AFF2: variants seen among roughly 807,000 people sequenced by gnomAD.
AFF2 encodes the protein ALF transcription elongation factor 2.
AFF2 carries 14 observed loss-of-function variants against 76.9 expected under a neutral mutation model. The ratio of observed to expected loss-of-function variants is 0.18; its 90% CI spans 0.12 to 0.28. The LOEUF is 0.28. AFF2 is among the 10% of genes least tolerant of loss of function. The pLI is 1.00. For missense variants in AFF2, 868 were observed against 1,001.1 expected (o/e 0.87, Z 1.79); for synonymous variants, 398 against 366.7 (o/e 1.09, Z -0.98).
chrX:148,761,993 A>T (rs1180375695), intron 3 of AFF2, among the ~76,000 whole-genome samples: 1 of 108,480 alleles, frequency 9.2e-6, no homozygotes, highest in Non-Finnish European at 1.9e-5. Flanking sequence ...ATAGATATAG[A>T]TATAGATATA....
At chrX:148,515,404 GCCAT>G (rs1557233684) in intron 1 of AFF2, among the ~76,000 whole-genome samples, 2 of 112,141 alleles carry the variant, frequency 1.8e-5, no homozygotes, top group African/African-American at 6.5e-5. Flanking sequence ...AGCTAATAAA[GCCAT>G]ACTTGTTTCT....
At chrX:148,637,107 T>G (rs1464231806) in intron 1 of AFF2, among the ~76,000 whole-genome samples, 1 of 112,023 alleles carries the variant, frequency 8.9e-6, no homozygotes, top group Non-Finnish European at 1.9e-5. Context: ...TTGTACTAGT[T>G]AACTATGCAC....
chrX:148,657,027 G>A (rs1405626164), intron 2 of AFF2, among the ~76,000 whole-genome samples: 1 of 111,502 alleles, frequency 9.0e-6, no homozygotes, highest in African/African-American at 3.3e-5. Context: ...TTTCTGGATT[G>A]AATCATAGTA....
intron 3 of AFF2, among the ~76,000 whole-genome samples, chrX:148,771,101 C>T (rs1488512920): frequency 1.8e-5 from 2 of 112,044 alleles, no homozygotes; most frequent in Admixed American, 9.5e-5. Flanking sequence ...TTCTATAATG[C>T]GCTTCCATGA....
At chrX:148,712,641 A>G (rs1253077042) in intron 3 of AFF2, among the ~76,000 whole-genome samples, 1 of 112,245 alleles carries the variant, frequency 8.9e-6, no homozygotes, top group Non-Finnish European at 1.9e-5. Flanking sequence ...TATGCAATGA[A>G]TTCAATATAC....
Position 148,992,796 on chromosome X carries a change from T to G in AFF2, c.*1464T>G, listed in dbSNP as rs2072547950. 2 of 112,415 alleles carry G rather than the reference T, an allele frequency of 1.8e-5. No homozygotes were observed. The highest frequency in any genetic ancestry group is 3.8e-4 in the South Asian group (1 of 2,660). The allele number at this position is 112,415 out of a possible 1,213,427, so 9.3% of individuals were successfully genotyped here. ...ACAATGTAAATATCATTTTTGATGTTCCAGCTCACCAGAAGATTCTTACAC... is the reference window on the plus strand; with the variant it reads ...ACAATGTAAATATCATTTTTGATGTGCCAGCTCACCAGAAGATTCTTACAC... On this transcript the variant is annotated 3_prime_UTR_variant, in exon 21 of 21. Transcript: ENST00000370460.
intron 3 of AFF2, among the ~76,000 whole-genome samples, chrX:148,756,257 C>T (rs781938539): frequency 8.9e-6 from 1 of 112,480 alleles, no homozygotes; most frequent in African/African-American, 3.2e-5. Context: ...TATGTGCTAA[C>T]ATTTATATAG....
chrX:148,818,881 G>A (rs189861836), intron 4 of AFF2, among the ~76,000 whole-genome samples: 33 of 110,896 alleles, frequency 3.0e-4, no homozygotes, highest in Admixed American at 1.5e-3. Flanking sequence ...CTAATGGGTC[G>A]ATGACAGCCT....
At position 148,548,724 on chromosome X, in the gene AFF2, C is replaced by T. The variant is rs183716981; in HGVS notation, c.47+47580C>T. Reference sequence around the variant, plus strand: ...TGCTGGGATTACAGGCGTCAGCCACCGCACCTGGTCTGCCTCCCATTTACT... The same window carrying T: ...TGCTGGGATTACAGGCGTCAGCCACTGCACCTGGTCTGCCTCCCATTTACT... On this transcript the variant is annotated intron_variant, in intron 1 of 20. Transcript: ENST00000370460. Among the ~76,000 whole-genome samples the T allele has an allele frequency of 6.9e-3, 773 of 112,311 alleles. 7 individuals are homozygous for T. The highest frequency in any genetic ancestry group is 0.024 in the African/African-American group (730 of 30,903).
At chrX:148,827,773 G>A (rs12556938) in intron 4 of AFF2, among the ~76,000 whole-genome samples, 3,468 of 111,760 alleles carry the variant, frequency 0.031, 52 homozygotes, top group Non-Finnish European at 0.047. Flanking sequence ...ACCCTGTACC[G>A]GGACCTAGTC....
chrX:148,837,737 A>C lies in AFF2; in HGVS notation c.1173+4A>C. On this transcript the variant is annotated splice_donor_region_variant and intron_variant, in intron 5 of 20. Transcript: ENST00000370460. The stretch of plus-strand genomic sequence containing the variant: ...CACCTTTTCCATCCCAGGACAGGTC[A>C]GTTCTCTTCCTTCCTGCATTTTTGT... 1 of 1,138,703 alleles carries C rather than the reference A, an allele frequency of 8.8e-7. No individual in the cohort carries two copies. Among genetic ancestry groups the C allele is most frequent in the Non-Finnish European group, 1.2e-6 (1 of 834,629 alleles). The allele number at this position is 1,138,703 out of a possible 1,213,427, so 93.8% of individuals were successfully genotyped here.
intron 3 of AFF2, among the ~76,000 whole-genome samples, chrX:148,734,831 T>A (rs1194573059): frequency 5.4e-5 from 6 of 111,898 alleles, no homozygotes; most frequent in Non-Finnish European, 1.1e-4. Flanking sequence ...GGTTTGAGTA[T>A]GTACGGAGAC....
chrX:148,839,075 T>G (rs782489501), intron 5 of AFF2, among the ~76,000 whole-genome samples: 3 of 112,316 alleles, frequency 2.7e-5, no homozygotes, highest in Non-Finnish European at 5.6e-5. Flanking sequence ...TGTTTTCAGG[T>G]GGGTTCTCCA....
chrX:148,696,575 A>C (rs1175539933), intron 3 of AFF2, among the ~76,000 whole-genome samples: 1 of 112,170 alleles, frequency 8.9e-6, no homozygotes, highest in East Asian at 2.8e-4. Flanking sequence ...AAAATCCATC[A>C]AATTTTCTTA....
At chrX:148,894,547 G>T (rs1174670656) in intron 8 of AFF2, among the ~76,000 whole-genome samples, 2 of 111,619 alleles carry the variant, frequency 1.8e-5, no homozygotes, top group African/African-American at 6.5e-5. Context: ...AATGTATGGG[G>T]CCACATAACT....
intron 3 of AFF2, among the ~76,000 whole-genome samples, chrX:148,666,309 G>A (rs969543851): frequency 2.8e-4 from 31 of 111,631 alleles, no homozygotes; most frequent in Non-Finnish European, 5.5e-4. Flanking sequence ...TCTGTTGGCC[G>A]GGTGCAGTGG....
chrX:148,747,966 G>C (rs1464673814), intron 3 of AFF2, among the ~76,000 whole-genome samples: 1 of 111,965 alleles, frequency 8.9e-6, no homozygotes, highest in Non-Finnish European at 1.9e-5. Flanking sequence ...ATCTGCTTAA[G>C]TTAGAAATGG....
intron 1 of AFF2, among the ~76,000 whole-genome samples, chrX:148,606,160 T>C (rs2124394839): frequency 9.0e-6 from 1 of 111,610 alleles, no homozygotes; most frequent in South Asian, 3.7e-4. Flanking sequence ...TGAGGAAACT[T>C]TTACAAAATA....
At chrX:148,585,669 C>G (rs1383529245) in intron 1 of AFF2, among the ~76,000 whole-genome samples, 10 of 108,461 alleles carry the variant, frequency 9.2e-5, no homozygotes, top group African/African-American at 3.4e-4. Flanking sequence ...GAAACCCCCT[C>G]TCTACTAAAA....
Sources: gnomAD v4.1 joint callset for allele counts (sites outside exome capture counted in the v4.1 genomes callset) on GRCh38, gnomAD v4.1.1 for gene constraint, MANE v1.5 for transcripts, NCBI Gene and HGNC (gene_info 2026-07-23, HGNC 2026-07-21) for gene names.